The following LRRC3B variants were observed in gnomAD, a reference collection of about 807,000 sequenced individuals.
The protein encoded by LRRC3B is leucine-rich repeat-containing protein 3B.
A neutral mutation model predicts 12.8 loss-of-function variants in LRRC3B; 2 were observed. The observed-to-expected ratio is 0.16, with a 90% CI of 0.06 to 0.49. The LOEUF is 0.49. Among genes scored for constraint, LRRC3B ranks in the 20% least tolerant of loss-of-function variants. The pLI is 0.96. For missense variants in LRRC3B, 189 were observed against 319.4 expected, an observed-to-expected ratio of 0.59 and a Z score of 3.11; for synonymous variants, 132 against 122.0, an observed-to-expected ratio of 1.08 and a Z score of -0.54.
chr3:26,689,609 C>T (rs1039597450), intron 1 of LRRC3B, among the ~76,000 whole-genome samples: 1 of 152,088 alleles, frequency 6.6e-6, no homozygotes, highest in African/African-American at 2.4e-5. Flanking sequence ...AGTGGCTCAC[C>T]CTCTCTCCTG....
chr3:26,649,961 T>C (rs573743776), intron 1 of LRRC3B, among the ~76,000 whole-genome samples: 9 of 152,314 alleles, frequency 5.9e-5, no homozygotes, highest in Middle Eastern at 3.4e-3. Context: ...TGCAATTTCA[T>C]CTTTTTAAGA....
chr3:26,667,954 G>GTT (rs1378665606), intron 1 of LRRC3B, among the ~76,000 whole-genome samples: 5 of 151,386 alleles, frequency 3.3e-5, no homozygotes, highest in Non-Finnish European at 7.4e-5. Flanking sequence ...TATACTTTAA[G>GTT]TTTTTAATGC....
At chr3:26,679,108 C>T (rs1458841502) in intron 1 of LRRC3B, among the ~76,000 whole-genome samples, 1 of 152,202 alleles carries the variant, frequency 6.6e-6, no homozygotes, top group Non-Finnish European at 1.5e-5. Flanking sequence ...ATCCATTCAT[C>T]AGTTATTCAT....
chr3:26,662,571 T>C (rs763964731), intron 1 of LRRC3B, among the ~76,000 whole-genome samples: 42 of 152,100 alleles, frequency 2.8e-4, no homozygotes, highest in Non-Finnish European at 4.4e-4. Context: ...GATAGATAGA[T>C]AGACAGACAG....
intron 1 of LRRC3B, among the ~76,000 whole-genome samples, chr3:26,639,337 T>C (rs1698970521): frequency 6.6e-6 from 1 of 152,162 alleles, no homozygotes; most frequent in African/African-American, 2.4e-5. Flanking sequence ...TTACACCATG[T>C]TGCACTTTGG....
chr3:26,657,680 G>C (rs1160437376), intron 1 of LRRC3B, among the ~76,000 whole-genome samples: 1 of 151,690 alleles, frequency 6.6e-6, no homozygotes, highest in Non-Finnish European at 1.5e-5. Context: ...TCTTGTTGAA[G>C]TCTCTTGAAA....
rs80224991 is a variant in LRRC3B at position 26,654,104 on chromosome 3, G to T, written c.-161+30867G>T. On this transcript the variant is annotated intron_variant, in intron 1 of 1. Transcript: ENST00000396641. ...GTTTCTAATAACCTGCAAAATAATG[G>T]AATAGAATCATGATTTAAAATCTGT... is the stretch of plus-strand genomic sequence containing the variant. Among the ~76,000 whole-genome samples the T allele has an allele frequency of 6.9e-3, 1,054 of 152,280 alleles. 16 individuals are homozygous for T. The highest frequency in any genetic ancestry group is 0.025 in the African/African-American group (1,018 of 41,548).
chr3:26,688,673 G>T (rs1700133791), intron 1 of LRRC3B, among the ~76,000 whole-genome samples: 1 of 152,100 alleles, frequency 6.6e-6, no homozygotes, highest in African/African-American at 2.4e-5. Flanking sequence ...CATGAGAACA[G>T]CACCAAGGGG....
chr3:26,665,845 G>C (rs967370936), intron 1 of LRRC3B, among the ~76,000 whole-genome samples: 1 of 152,150 alleles, frequency 6.6e-6, no homozygotes, highest in Non-Finnish European at 1.5e-5. Context: ...ATGTTCACCA[G>C]AGTAGCTCAT....
chr3:26,645,228 G>A (rs1188198838), intron 1 of LRRC3B, among the ~76,000 whole-genome samples: 2 of 152,150 alleles, frequency 1.3e-5, no homozygotes, highest in Admixed American at 6.6e-5. Flanking sequence ...GGATTAAGAA[G>A]CAGGTGTTGA....
At chr3:26,631,459 GA>G (rs1698755245) in intron 1 of LRRC3B, among the ~76,000 whole-genome samples, 1 of 152,172 alleles carries the variant, frequency 6.6e-6, no homozygotes, top group Non-Finnish European at 1.5e-5. Context: ...AGAACCATGG[GA>G]AAAGGTCAGG....
At position 26,636,932 on chromosome 3, in the gene LRRC3B, T is replaced by C. The variant is rs183982728; in HGVS notation, c.-161+13695T>C. 3.2e-3 allele frequency among the ~76,000 whole-genome samples: 310 copies of C among 98,342 alleles called. 1 individual carries two copies. Among genetic ancestry groups the C allele is most frequent in the Admixed American group, 4.6e-3 (42 of 9,042 alleles). The allele number at this position is 98,342 out of a possible 152,430, so 64.5% of individuals were successfully genotyped here. Reference sequence around the variant, plus strand: ...TCTCTTTCTCTCTTTCTTTCTTTCTTTCTTTCTTTCTTTCTTTCTTTCTTT... The same window carrying C: ...TCTCTTTCTCTCTTTCTTTCTTTCTCTCTTTCTTTCTTTCTTTCTTTCTTT... On this transcript the variant is annotated intron_variant, in intron 1 of 1. Transcript: ENST00000396641.
At chr3:26,643,847 C>T (rs1699086044) in intron 1 of LRRC3B, among the ~76,000 whole-genome samples, 1 of 152,144 alleles carries the variant, frequency 6.6e-6, no homozygotes, top group South Asian at 2.1e-4. Context: ...CCCAGTTTGG[C>T]CGGGCAACCT....
At chr3:26,646,983 C>A (rs1907163) in intron 1 of LRRC3B, among the ~76,000 whole-genome samples, 1 of 151,836 alleles carries the variant, frequency 6.6e-6, no homozygotes, top group Non-Finnish European at 1.5e-5. Flanking sequence ...TACTCAAGTG[C>A]GTAGCTCCTT....
intron 1 of LRRC3B, among the ~76,000 whole-genome samples, chr3:26,630,581 A>G (rs56389644): frequency 0.029 from 4,353 of 152,294 alleles, 237 homozygotes; most frequent in African/African-American, 0.1. Context: ...TGGCAGCTGT[A>G]TTGTGATATG....
intron 1 of LRRC3B, among the ~76,000 whole-genome samples, chr3:26,668,580 A>T (rs984132190): frequency 2.0e-5 from 3 of 152,176 alleles, no homozygotes; most frequent in Non-Finnish European, 4.4e-5. Flanking sequence ...ATTTTCCAAG[A>T]ATCTGGGTTT....
intron 1 of LRRC3B, among the ~76,000 whole-genome samples, chr3:26,685,107 C>A (rs147343497): frequency 0.017 from 2,660 of 152,206 alleles, 62 homozygotes; most frequent in Non-Finnish European, 0.02. Context: ...GCGTGTGCCA[C>A]CACACCCAGC....
At position 26,665,073 on chromosome 3, in the gene LRRC3B, G is replaced by A. The variant is rs535960826; in HGVS notation, c.-161+41836G>A. Reference sequence around the variant, plus strand: ...AAGGGCCATCCTACCATAAAGGTACGGTCAGGCTTTTGGGAGTGAAAGCAG... The same window carrying A: ...AAGGGCCATCCTACCATAAAGGTACAGTCAGGCTTTTGGGAGTGAAAGCAG... On this transcript the variant is annotated intron_variant, in intron 1 of 1. Transcript: ENST00000396641. Among the ~76,000 whole-genome samples, 5 of 151,908 alleles carry A rather than the reference G, an allele frequency of 3.3e-5. No homozygotes were observed. The South Asian group carries it at 8.3e-4, about 25-fold the overall frequency.
At chr3:26,636,828 CCCTCCCTCCCTG>C (rs1241172550) in intron 1 of LRRC3B, among the ~76,000 whole-genome samples, 1 of 83,258 alleles carries the variant, frequency 1.2e-5, no homozygotes, top group African/African-American at 6.4e-5. Context: ...CTCCCTCCCT[CCCTCCCTCCCTG>C]CCTCCCTCCC....
Sources: gnomAD v4.1 joint callset for allele counts (sites outside exome capture counted in the v4.1 genomes callset) on GRCh38, gnomAD v4.1.1 for gene constraint, MANE v1.5 for transcripts, NCBI Gene and HGNC (gene_info 2026-07-23, HGNC 2026-07-21) for gene names.